TRMT44: variants seen among roughly 807,000 people sequenced by gnomAD.
The protein encoded by TRMT44 is probable tRNA (uracil-O(2)-)-methyltransferase.
In TRMT44, 78 loss-of-function variants were observed where a neutral mutation model predicts 77.3. The observed-to-expected ratio is 1.01, with a 90% CI of 0.84 to 1.22. The LOEUF (loss-of-function observed/expected upper bound fraction) is 1.22. TRMT44 is among the 50% of genes most tolerant of loss of function. The probability of loss-of-function intolerance (pLI) is 0.00; values close to 1 mark genes in which losing one functional copy is unlikely to be tolerated. For synonymous variants in TRMT44, 391 were observed against 383.3 expected, an observed-to-expected ratio of 1.02 and a Z score of -0.23; for missense variants, 1,090 against 964.4, an observed-to-expected ratio of 1.13 and a Z score of -1.73.
the TRMT44 span, among the ~76,000 whole-genome samples, chr4:8,505,363 A>T: frequency 2.7e-4 from 41 of 152,276 alleles, no homozygotes; most frequent in African/African-American, 9.6e-4. Context: ...TCAAGGGTGC[A>T]GGAGGAGCCT....
rs368485119 is a variant in TRMT44, at chr4:8,468,177, A to G, written c.1758A>G (p.Leu586=). The part of the protein sequence containing the change: ...GAGPQAEGPW[L]PGFHPREKAE... The stretch of plus-strand genomic sequence containing the variant: ...GGCCCCAGGCTGAAGGACCCTGGCT[A>G]CCTGGATTTCATCCCAGAGAAAAGG... The change falls in exon 9 of 11, where the codon CTA becomes CTG. Residue 586 remains leucine, a synonymous_variant. Coordinates refer to ENST00000389737, the MANE Select transcript of TRMT44 (RefSeq NM_152544.3). 16 of 1,614,168 alleles carry G rather than the reference A, an allele frequency of 9.9e-6. No individual in the cohort carries two copies. Among genetic ancestry groups the G allele is most frequent in the African/African-American group, 1.3e-5 (1 of 75,072 alleles).
intron 2 of TRMT44, among the ~76,000 whole-genome samples, chr4:8,484,003 T>C (rs1424108978): frequency 6.6e-6 from 1 of 152,056 alleles, no homozygotes; most frequent in Non-Finnish European, 1.5e-5. Context: ...TGAGGAGTAG[T>C]AGAATAGCAG....
rs2109138511 is a variant in TRMT44 at position 8,461,713 on chromosome 4, C to G, written c.1204-2272C>G. Among the ~76,000 whole-genome samples the G allele has an allele frequency of 6.6e-6, 1 of 152,200 alleles. No individual in the cohort carries two copies. The highest frequency in any genetic ancestry group is 2.1e-4 in the South Asian group (1 of 4,816). ...GGTTTTTTCCTTGTTACCTCCCAAC[C>G]TTCAGTCTCGGTGCTAAAATAGCCA... is the stretch of plus-strand genomic sequence containing the variant. On this transcript the variant is annotated intron_variant, in intron 6 of 10. Coordinates refer to ENST00000389737, the MANE Select transcript of TRMT44 (RefSeq NM_152544.3). This position sits in a 1 kb window ranked among gnomAD's most constrained non-coding sequence, Gnocchi z 4.6.
At chr4:8,480,152 C>G (rs1026431492), downstream of TRMT44, among the ~76,000 whole-genome samples, 2 of 152,092 alleles carry the variant, frequency 1.3e-5, no homozygotes, top group South Asian at 2.1e-4. Flanking sequence ...TCAACTCTTG[C>G]CTCCTTGGAA....
the TRMT44 span, among the ~76,000 whole-genome samples, chr4:8,503,023 TC>T: frequency 6.6e-6 from 1 of 152,140 alleles, no homozygotes; most frequent in Non-Finnish European, 1.5e-5. Flanking sequence ...GAGGGGGCGT[TC>T]CCCACCCCTC....
intron 2 of TRMT44, among the ~76,000 whole-genome samples, chr4:8,492,641 T>G (rs1728042427): frequency 2.0e-5 from 3 of 152,158 alleles, no homozygotes; most frequent in African/African-American, 7.2e-5. Context: ...AGATAGCTAC[T>G]ACGATTAAAA....
chr4:8,465,487 T>G lies in TRMT44; in HGVS notation c.1420T>G (p.Phe474Val). ...KKTQYREYLD[F>V]IKEVGFTCGF... is the part of the protein sequence containing the mutation. ...GACTCAGTACCGGGAATACCTTGAC[T>G]TCATTAAAGAAGTGGGCTTCACCTG... The change falls in exon 8 of 11, where the codon TTC becomes GTC. Residue 474 changes from phenylalanine to valine, a missense_variant. Transcript: ENST00000389737. The G allele has an allele frequency of 6.2e-7, 1 of 1,614,156 alleles. No individual in the cohort carries two copies. Among genetic ancestry groups the G allele is most frequent in the Non-Finnish European group, 8.5e-7 (1 of 1,180,030 alleles).
At chr4:8,492,704 A>G (rs1728044466) in intron 2 of TRMT44, among the ~76,000 whole-genome samples, 1 of 152,222 alleles carries the variant, frequency 6.6e-6, no homozygotes, top group South Asian at 2.1e-4. Context: ...GACAGAACTC[A>G]AAGCCACCTC....
chr4:8,513,953 C>A, the TRMT44 span, among the ~76,000 whole-genome samples: 1 of 152,208 alleles, frequency 6.6e-6, no homozygotes, highest in African/African-American at 2.4e-5. Context: ...ATGCTTTGAA[C>A]CACTTGGTTT....
intron 8 of TRMT44, 38 bp downstream of exon 8, chr4:8,465,599 G>A (rs768151546): frequency 1.8e-5 from 28 of 1,567,232 alleles, no homozygotes; most frequent in East Asian, 9.0e-5. Context: ...GCGGTGTGTC[G>A]GTGTTCAGAT....
chr4:8,486,884 TCAGCCCGGCGAGGAG>T (rs1300470105), intron 2 of TRMT44, among the ~76,000 whole-genome samples: 1 of 151,974 alleles, frequency 6.6e-6, no homozygotes, highest in Non-Finnish European at 1.5e-5. Flanking sequence ...GGGACCTAGC[TCAGCCCGGCGAGGAG>T]CAGCCCAGGG....
At chr4:8,494,801 T>G (rs1728104666), downstream of TRMT44, among the ~76,000 whole-genome samples, 1 of 152,092 alleles carries the variant, frequency 6.6e-6, no homozygotes, top group Non-Finnish European at 1.5e-5. Flanking sequence ...TATGAAGCTT[T>G]TTTTTTTTCT....
At chr4:8,450,786 T>G (rs753168241) in intron 3 of TRMT44, among the ~76,000 whole-genome samples, 2 of 145,704 alleles carry the variant, frequency 1.4e-5, no homozygotes, top group South Asian at 4.4e-4. Flanking sequence ...AATTTGTCAT[T>G]TCCATGTTTT....
chr4:8,458,464 CTTTTTT>C (rs56203512), intron 6 of TRMT44, among the ~76,000 whole-genome samples: 1 of 130,332 alleles, frequency 7.7e-6, no homozygotes. Context: ...CTTTTCTTTT[CTTTTTT>C]TTTTTTTTTT....
intron 9 of TRMT44, among the ~76,000 whole-genome samples, chr4:8,469,054 G>A (rs1726800239): frequency 6.6e-6 from 1 of 152,212 alleles, no homozygotes; most frequent in Admixed American, 6.5e-5. Context: ...GCCTGGCTGC[G>A]CATTTGAGGG....
intron 2 of TRMT44, among the ~76,000 whole-genome samples, chr4:8,487,283 G>T (rs1196439547): frequency 2.6e-5 from 4 of 152,108 alleles, no homozygotes; most frequent in Non-Finnish European, 5.9e-5. Flanking sequence ...GAGAGCACAG[G>T]CTAAGGGAGA....
Position 8,471,040 on chromosome 4 carries a change from T to C in TRMT44, c.1928-44T>C, listed in dbSNP as rs1338738013. On this transcript the variant is annotated intron_variant, in intron 9 of 10. Coordinates refer to ENST00000389737, the MANE Select transcript of TRMT44 (RefSeq NM_152544.3). The stretch of plus-strand genomic sequence containing the variant: ...CTGCCTGTGTGACAGGTTCGTAATA[T>C]TTTGCTGTTGTTTTGGGGAAAAAAA... 2.9e-6 allele frequency: 4 copies of C among 1,370,540 alleles called. No individual in the cohort carries two copies. In the South Asian group the frequency reaches 5.1e-5, roughly 18 times the overall value. 84.9% of individuals were successfully genotyped at this position (1,370,540 alleles called of 1,614,324 possible). A position where few individuals can be genotyped will look rare whatever the true frequency, so the allele number is the denominator to read the frequency against.
intron 9 of TRMT44, among the ~76,000 whole-genome samples, chr4:8,468,903 C>G (rs959062271): frequency 6.6e-6 from 1 of 152,232 alleles, no homozygotes; most frequent in African/African-American, 2.4e-5. Context: ...AAGGACCTCG[C>G]CTCCTTCCGG....
Position 8,440,827 on chromosome 4 carries a change from C to A in TRMT44, c.5C>A (p.Ala2Asp). The change falls in exon 1 of 11, where the codon GCT becomes GAT. Residue 2 changes from alanine to aspartate, a missense_variant. Coordinates refer to ENST00000389737, the MANE Select transcript of TRMT44 (RefSeq NM_152544.3). M[A>D]EVGRTGISYP... ...GCTGTACACCTGCTGGCTGCCATGG[C>A]TGAGGTGGGCCGTACCGGGATCAGC... 2 of 1,464,648 alleles carry A rather than the reference C, an allele frequency of 1.4e-6. No individual in the cohort carries two copies. The highest frequency in any genetic ancestry group is 1.8e-6 in the Non-Finnish European group (2 of 1,111,532). 90.7% of individuals were successfully genotyped at this position (1,464,648 alleles called of 1,614,324 possible). A position where few individuals can be genotyped will look rare whatever the true frequency, so the allele number is the denominator to read the frequency against.
Sources: allele counts gnomAD v4.1 joint callset (sites outside exome capture counted in the v4.1 genomes callset), GRCh38; gene constraint gnomAD v4.1.1; non-coding constraint Gnocchi (gnomAD v3.1); transcripts MANE v1.5; gene names NCBI Gene and HGNC (gene_info 2026-07-23, HGNC 2026-07-21).